Variants in NALCN observed in about 807,000 individuals in gnomAD.
NALCN encodes the protein sodium leak channel NALCN.
A neutral mutation model predicts 225.3 loss-of-function variants in NALCN; 111 were observed. That is an observed-to-expected ratio of 0.49 (90% CI 0.42 to 0.58). NALCN has a LOEUF of 0.58. Among genes scored for constraint, NALCN ranks in the 20% least tolerant of loss-of-function variants. The pLI is 0.00. For synonymous variants in NALCN, 764 were observed against 769.0 expected, an observed-to-expected ratio of 0.99 and a Z score of 0.11; for missense variants, 1,378 against 2,202.4, an observed-to-expected ratio of 0.63 and a Z score of 7.49.
At chr13:101,076,731 G>A (rs558179982) in intron 34 of NALCN, among the ~76,000 whole-genome samples, 23 of 152,316 alleles carry the variant, frequency 1.5e-4, no homozygotes, top group African/African-American at 4.8e-4. Context: ...AAATACGGTG[G>A]AGAATGAGCA....
intron 7 of NALCN, among the ~76,000 whole-genome samples, chr13:101,293,220 GC>G (rs1395527111): frequency 6.6e-6 from 1 of 152,112 alleles, no homozygotes; most frequent in Non-Finnish European, 1.5e-5. Flanking sequence ...ATGATATCTT[GC>G]CTCTTTAATA....
rs901750846 is a variant in NALCN at position 101,070,136 on chromosome 13, C to T, written c.4198-1309G>A. Among the ~76,000 whole-genome samples, 25 of 134,544 alleles carry T rather than the reference C, an allele frequency of 1.9e-4. 1 individual carries two copies. The highest frequency in any genetic ancestry group is 1.1e-3 in the Admixed American group (13 of 11,598). 88.3% of individuals were successfully genotyped at this position (134,544 alleles called of 152,430 possible). ...GGCTGGAGTGCAGTGGTGCAATCTCCGCTCACTGCAAGCTCCGCCTCCTGG... is the reference window on the plus strand; with the variant it reads ...GGCTGGAGTGCAGTGGTGCAATCTCTGCTCACTGCAAGCTCCGCCTCCTGG... On this transcript the variant is annotated intron_variant, in intron 37 of 43. Transcript: ENST00000251127.
intron 11 of NALCN, among the ~76,000 whole-genome samples, chr13:101,250,952 T>C (rs1182202498): frequency 6.6e-6 from 1 of 152,040 alleles, no homozygotes; most frequent in South Asian, 2.1e-4. Context: ...ATATTAAGAC[T>C]ATAATGATTA....
chr13:101,067,794 T>G (rs1049956374), intron 39 of NALCN, 124 bp downstream of exon 39: 12 of 711,228 alleles, frequency 1.7e-5, no homozygotes, highest in Admixed American at 1.3e-4. Context: ...ATGATGGCTT[T>G]CTGCAATTCA....
intron 6 of NALCN, among the ~76,000 whole-genome samples, chr13:101,355,436 T>TA (rs949399750): frequency 6.6e-5 from 10 of 150,494 alleles, no homozygotes; most frequent in Non-Finnish European, 1.5e-4. Context: ...CAAACAAAGA[T>TA]AAAAAAAGAC....
At position 101,057,982 on chromosome 13, in the gene NALCN, T is replaced by A. The variant is rs775707949; in HGVS notation, c.4980A>T (p.Ala1660=). Reference sequence around the variant, plus strand: ...GCCCAAATTTCCTCTGGGGTTTCCCTGCGTCGGCTGCATCTTGCCGACTTC... The same window carrying A: ...GCCCAAATTTCCTCTGGGGTTTCCCAGCGTCGGCTGCATCTTGCCGACTTC... ...RGGSRQDAAD[A]GKPQRKFGQW... is the part of the protein sequence containing the mutation. Residue 1660 remains alanine (A), a synonymous_variant, in exon 43 of 44, where the codon GCA becomes GCT. Coordinates refer to ENST00000251127, the MANE Select transcript of NALCN (RefSeq NM_052867.4). 1.2e-6 allele frequency: 2 copies of A among 1,613,968 alleles called. No homozygotes were observed. The highest frequency in any genetic ancestry group is 1.7e-6 in the Non-Finnish European group (2 of 1,180,030).
intron 15 of NALCN, among the ~76,000 whole-genome samples, chr13:101,166,093 G>A (rs1035935683): frequency 4.6e-5 from 7 of 152,112 alleles, no homozygotes; most frequent in African/African-American, 1.7e-4. Flanking sequence ...CATGTTTAAG[G>A]CTGAATGATA....
chr13:101,217,797 A>G (rs2040795952), intron 13 of NALCN, among the ~76,000 whole-genome samples: 2 of 152,178 alleles, frequency 1.3e-5, no homozygotes, highest in Non-Finnish European at 2.9e-5. Context: ...GTCCAGCCCT[A>G]TGCTAGCTAC....
chr13:101,321,563 A>G (rs2044747244), intron 7 of NALCN, among the ~76,000 whole-genome samples: 1 of 152,130 alleles, frequency 6.6e-6, no homozygotes, highest in South Asian at 2.1e-4. Flanking sequence ...TCTATTTTCA[A>G]ATACAGAACT....
intron 14 of NALCN, among the ~76,000 whole-genome samples, chr13:101,179,354 A>C (rs368426381): frequency 6.6e-6 from 1 of 152,194 alleles, no homozygotes; most frequent in Non-Finnish European, 1.5e-5. Context: ...CCTGACATGT[A>C]GTATAGCTAT....
At chr13:101,176,631 GT>G (rs562871776) in intron 14 of NALCN, among the ~76,000 whole-genome samples, 2 of 152,072 alleles carry the variant, frequency 1.3e-5, no homozygotes, top group African/African-American at 2.4e-5. Context: ...TAAGAAAAAG[GT>G]TTTTTTGAAC....
At chr13:101,279,848 T>TAAAG (rs202183769) in intron 10 of NALCN, among the ~76,000 whole-genome samples, 2 of 89,532 alleles carry the variant, frequency 2.2e-5, no homozygotes, top group Admixed American at 2.3e-4. Context: ...AATAAATAAA[T>TAAAG]AAATAAATAA....
intron 18 of NALCN, 68 bp from the exon 19 acceptor site, chr13:101,111,294 G>T: frequency 1.5e-6 from 2 of 1,306,388 alleles, no homozygotes; most frequent in Non-Finnish European, 2.1e-6. Flanking sequence ...ACACATAAGT[G>T]CTCATTACTT....
At chr13:101,183,724 T>A (rs1416823273) in intron 14 of NALCN, among the ~76,000 whole-genome samples, 1 of 152,052 alleles carries the variant, frequency 6.6e-6, no homozygotes, top group Non-Finnish European at 1.5e-5. Flanking sequence ...CCTCCCAAAG[T>A]GCTGGGATTA....
chr13:101,280,382 T>C (rs2043127478), intron 10 of NALCN, among the ~76,000 whole-genome samples: 1 of 152,220 alleles, frequency 6.6e-6, no homozygotes. Context: ...GCCACATCTA[T>C]ACACTTCAAG....
intron 7 of NALCN, among the ~76,000 whole-genome samples, chr13:101,336,706 T>C (rs767045195): frequency 3.9e-5 from 6 of 152,232 alleles, no homozygotes; most frequent in Non-Finnish European, 8.8e-5. Context: ...TGTCACATTC[T>C]AATAAAGAAA....
At chr13:101,160,833 G>C (rs2139866268) in intron 15 of NALCN, among the ~76,000 whole-genome samples, 1 of 152,304 alleles carries the variant, frequency 6.6e-6, no homozygotes, top group East Asian at 1.9e-4. Flanking sequence ...TGCCTAAAAG[G>C]AATCATATTG....
chr13:101,236,464 G>A (rs531221569), intron 12 of NALCN, among the ~76,000 whole-genome samples: 5 of 152,190 alleles, frequency 3.3e-5, no homozygotes, highest in African/African-American at 7.2e-5. Flanking sequence ...ACATGCACAC[G>A]TATGTTTATT....
intron 6 of NALCN, among the ~76,000 whole-genome samples, chr13:101,359,604 A>G (rs1055609235): frequency 3.9e-5 from 6 of 152,090 alleles, no homozygotes; most frequent in African/African-American, 1.4e-4. Flanking sequence ...TCTCTTAATT[A>G]TTAGGTATCT....
Sources: allele counts gnomAD v4.1 joint callset (sites outside exome capture counted in the v4.1 genomes callset), GRCh38; gene constraint gnomAD v4.1.1; transcripts MANE v1.5; gene names NCBI Gene and HGNC (gene_info 2026-07-23, HGNC 2026-07-21).